Variants in NUF2 observed in about 807,000 individuals in gnomAD.
NUF2 encodes the protein kinetochore protein Nuf2.
A neutral mutation model predicts 61.8 loss-of-function variants in NUF2; 34 were observed. That is an observed-to-expected ratio of 0.55 (90% CI 0.42 to 0.73). The LOEUF (loss-of-function observed/expected upper bound fraction) is 0.73. Ranked by LOEUF, NUF2 falls within the 30% of genes least tolerant of loss-of-function variation. The probability of loss-of-function intolerance (pLI) is 0.00; values close to 1 mark genes in which losing one functional copy is unlikely to be tolerated. For missense variants in NUF2, 445 were observed against 539.1 expected (o/e 0.83, Z 1.73); for synonymous variants, 172 against 181.6 (o/e 0.95, Z 0.42).
intron 5 of NUF2, among the ~76,000 whole-genome samples, chr1:163,330,409 C>T (rs1353454430): frequency 6.6e-6 from 1 of 152,160 alleles, no homozygotes; most frequent in African/African-American, 2.4e-5. Flanking sequence ...TTTGAGCTCG[C>T]TATTCTACTC....
chr1:163,323,807 C>G (rs772009076), intron 1 of NUF2, among the ~76,000 whole-genome samples: 17 of 151,956 alleles, frequency 1.1e-4, no homozygotes, highest in Admixed American at 2.0e-4. Flanking sequence ...CAAATCCTTG[C>G]TTAAGTTTCA....
intron 13 of NUF2, among the ~76,000 whole-genome samples, chr1:163,353,203 CATTGTACT>C (rs1243437063): frequency 2.0e-5 from 3 of 152,200 alleles, no homozygotes; most frequent in Non-Finnish European, 4.4e-5. Flanking sequence ...TGGTGTCTTT[CATTGTACT>C]ATTGTACTAT....
chr1:163,340,738 A>G (rs796379001), intron 9 of NUF2, among the ~76,000 whole-genome samples: 7 of 152,252 alleles, frequency 4.6e-5, no homozygotes, highest in African/African-American at 1.7e-4. Flanking sequence ...AATACATCTT[A>G]CCTGCTTTTT....
Position 163,355,439 on chromosome 1 carries a change from G to C in NUF2, c.1365G>C (p.Leu455=), listed in dbSNP as rs1394174631. The part of the protein sequence containing the change: ...YAKIDEKTAE[L]KRKMFKMST ...AGATAGATGAGAAGACAGCTGAACT[G>C]AAGAGGAAGATGTTCAAAATGTCAA... The change falls in exon 14 of 14, where the codon CTG becomes CTC. Residue 455 remains leucine, a synonymous_variant. Coordinates refer to ENST00000271452, the MANE Select transcript of NUF2 (RefSeq NM_145697.3). 6.3e-7 allele frequency: 1 copy of C among 1,598,788 alleles called. No homozygotes were observed. The highest frequency in any genetic ancestry group is 8.5e-7 in the Non-Finnish European group (1 of 1,172,526).
At chr1:163,348,263 G>A (rs187124239) in intron 12 of NUF2, among the ~76,000 whole-genome samples, 318 of 152,154 alleles carry the variant, frequency 2.1e-3, no homozygotes, top group Non-Finnish European at 3.7e-3. Context: ...TAACTAAATG[G>A]CCTATCTTAT....
chr1:163,344,413 A>G (rs1036550733), intron 10 of NUF2, among the ~76,000 whole-genome samples: 1 of 151,852 alleles, frequency 6.6e-6, no homozygotes, highest in Non-Finnish European at 1.5e-5. Flanking sequence ...CTGGAAGTAC[A>G]GGTGGAAGAG....
Position 163,345,726 on chromosome 1 carries a change from C to T in NUF2, c.856C>T (p.Leu286=), listed in dbSNP as rs1356555302. 1 of 1,612,482 alleles carries T rather than the reference C, an allele frequency of 6.2e-7. No homozygotes were observed. The highest frequency in any genetic ancestry group is 1.7e-5 in the Admixed American group (1 of 59,944). The change falls in exon 11 of 14, where the codon CTG becomes TTG. Residue 286 remains leucine, a synonymous_variant. Transcript: ENST00000271452. ...YEIYGDSVDC[L]PSCQLEVQLY... ...AATCTATGGAGACTCAGTTGACTGC[C>T]TGCCTTCATGTCAGTTGGAAGTGCA...
At chr1:163,331,223 G>C (rs1650589508) in intron 5 of NUF2, among the ~76,000 whole-genome samples, 1 of 151,610 alleles carries the variant, frequency 6.6e-6, no homozygotes, top group South Asian at 2.1e-4. Flanking sequence ...ATTTCACTGA[G>C]AGTTTTTATC....
chr1:163,333,657 G>T (rs1036185864), intron 5 of NUF2, among the ~76,000 whole-genome samples: 1 of 151,840 alleles, frequency 6.6e-6, no homozygotes, highest in South Asian at 2.1e-4. Context: ...ACATACCATT[G>T]TCTATCTTCA....
At chr1:163,328,942 C>G in intron 5 of NUF2, 35 bp downstream of exon 5, 1 of 1,140,530 alleles carries the variant, frequency 8.8e-7, no homozygotes, top group East Asian at 2.4e-5. Flanking sequence ...TAATGTCTGG[C>G]TTCGATCTAC....
chr1:163,354,099 C>G (rs1222656030), intron 13 of NUF2, among the ~76,000 whole-genome samples: 1 of 152,100 alleles, frequency 6.6e-6, no homozygotes, highest in Non-Finnish European at 1.5e-5. Flanking sequence ...GCTGAATGTG[C>G]TGTTTTTTTA....
intron 1 of NUF2, among the ~76,000 whole-genome samples, chr1:163,324,749 G>C (rs1485209667): frequency 6.6e-6 from 1 of 152,092 alleles, no homozygotes; most frequent in Non-Finnish European, 1.5e-5. Flanking sequence ...TGGTTACAGG[G>C]AGAGATATGA....
rs750547148 is a variant in NUF2, at chr1:163,326,034, T to C, written c.-18T>C. Reference sequence around the variant, plus strand: ...CTCATTGTTTTTTCTTCCTTCAGATTAACAGGAAACTTCCAAGATGGAAAC... The same window carrying C: ...CTCATTGTTTTTTCTTCCTTCAGATCAACAGGAAACTTCCAAGATGGAAAC... On this transcript the variant is annotated splice_region_variant and 5_prime_UTR_variant, in exon 2 of 14. Coordinates refer to ENST00000271452, the MANE Select transcript of NUF2 (RefSeq NM_145697.3). 6.2e-7 allele frequency: 1 copy of C among 1,609,374 alleles called. No individual in the cohort carries two copies. The highest frequency in any genetic ancestry group is 2.2e-5 in the East Asian group (1 of 44,712).
At chr1:163,347,141 A>G (rs942740823) in intron 11 of NUF2, among the ~76,000 whole-genome samples, 2 of 152,188 alleles carry the variant, frequency 1.3e-5, no homozygotes, top group Non-Finnish European at 2.9e-5. Context: ...TAGGACCTAT[A>G]GAGAGATTTA....
chr1:163,338,737 A>C (rs185436496), intron 7 of NUF2, among the ~76,000 whole-genome samples: 1 of 152,214 alleles, frequency 6.6e-6, no homozygotes, highest in African/African-American at 2.4e-5. Context: ...AAGAATGACA[A>C]AGTGGAGAGA....
chr1:163,335,607 A>C (rs1330199316), intron 5 of NUF2, among the ~76,000 whole-genome samples: 2 of 150,750 alleles, frequency 1.3e-5, no homozygotes, highest in Non-Finnish European at 3.0e-5. Flanking sequence ...CCCTCCCCCT[A>C]CACCCCTGCC....
chr1:163,349,832 G>A (rs1255918152), intron 13 of NUF2, among the ~76,000 whole-genome samples: 2 of 151,938 alleles, frequency 1.3e-5, no homozygotes, highest in African/African-American at 2.4e-5. Context: ...GAGGGAAACT[G>A]GAAGGAAAAG....
At chr1:163,342,863 T>C (rs1165691313) in intron 9 of NUF2, among the ~76,000 whole-genome samples, 1 of 152,178 alleles carries the variant, frequency 6.6e-6, no homozygotes, top group East Asian at 1.9e-4. Context: ...TTGTTCTGTT[T>C]TTATAGAAAT....
intron 7 of NUF2, 144 bp downstream of exon 7, chr1:163,338,237 TAA>T (rs11330875): frequency 0.035 from 12,998 of 369,078 alleles, 3 homozygotes; most frequent in East Asian, 0.092. Flanking sequence ...TGCCTTTTCT[TAA>T]AAAAAAAAAA....
Sources: gnomAD v4.1 joint callset for allele counts (sites outside exome capture counted in the v4.1 genomes callset) on GRCh38, gnomAD v4.1.1 for gene constraint, MANE v1.5 for transcripts, NCBI Gene and HGNC (gene_info 2026-07-23, HGNC 2026-07-21) for gene names.